Variants in SPATA18 observed in about 807,000 individuals in gnomAD.
SPATA18 encodes the protein spermatogenesis associated 18.
SPATA18 carries 54 observed loss-of-function variants against 68.1 expected under a neutral mutation model. That is an observed-to-expected ratio of 0.79 (90% confidence interval 0.64 to 0.99). The LOEUF (loss-of-function observed/expected upper bound fraction) is 0.99, where lower values mean the gene tolerates loss of function less well. SPATA18 is among the 50% of genes least tolerant of loss of function. The pLI, the probability that SPATA18 is intolerant of heterozygous loss-of-function variation, is 0.00. For missense variants in SPATA18, 724 were observed against 681.1 expected, an observed-to-expected ratio of 1.06 and a Z score of -0.70; for synonymous variants, 242 against 244.8, an observed-to-expected ratio of 0.99 and a Z score of 0.11.
rs889463318 is a variant in SPATA18, at chr4:52,095,795, C to T, written c.*908C>T. On this transcript the variant is annotated 3_prime_UTR_variant, in exon 13 of 13. Transcript: ENST00000295213. ...TGACCAAAACTACTTAAACTCAAGGCCCAAAACTAGGGGCACCATTTACTG... is the reference window on the plus strand; with the variant it reads ...TGACCAAAACTACTTAAACTCAAGGTCCAAAACTAGGGGCACCATTTACTG... The T allele has an allele frequency of 2.0e-5, 3 of 152,136 alleles. No homozygotes were observed. The highest frequency in any genetic ancestry group is 2.0e-4 in the Admixed American group (3 of 15,262). 9.4% of individuals were successfully genotyped at this position (152,136 alleles called of 1,614,324 possible). A position where few individuals can be genotyped will look rare whatever the true frequency, so the allele number is the denominator to read the frequency against.
chr4:52,076,995 C>G lies in SPATA18; in HGVS notation c.975C>G (p.Ile325Met), dbSNP rs973384827. The G allele has an allele frequency of 1.9e-6, 3 of 1,612,444 alleles. No individual in the cohort carries two copies. Among genetic ancestry groups the G allele is most frequent in the South Asian group, 1.1e-5 (1 of 90,718 alleles). Residue 325 changes from isoleucine (I) to methionine (M), a missense_variant, in exon 7 of 13, where the codon ATC (isoleucine) becomes ATG (methionine). Coordinates refer to ENST00000295213, the MANE Select transcript of SPATA18 (RefSeq NM_145263.4). ...CGCAGTGCCTGCTGCGGCGCTGCATCGACAAGGCTGAGACCGTTCAGCGGA... is the reference window on the plus strand; with the variant it reads ...CGCAGTGCCTGCTGCGGCGCTGCATGGACAAGGCTGAGACCGTTCAGCGGA... ...LDAQCLLRRC[I>M]DKAETVQRII...
intron 6 of SPATA18, among the ~76,000 whole-genome samples, chr4:52,075,742 G>A (rs1450790138): frequency 1.3e-5 from 2 of 152,128 alleles, no homozygotes; most frequent in Non-Finnish European, 2.9e-5. Context: ...TCTTTGGGCC[G>A]GCATCAGCGG....
chr4:52,061,704 A>T (rs987926462), intron 3 of SPATA18, among the ~76,000 whole-genome samples: 3 of 152,004 alleles, frequency 2.0e-5, no homozygotes, highest in Admixed American at 2.0e-4. Context: ...TGCTGATCTA[A>T]AAGGTTCATT....
chr4:52,093,379 T>A (rs749671610), intron 11 of SPATA18, among the ~76,000 whole-genome samples: 1 of 152,058 alleles, frequency 6.6e-6, no homozygotes, highest in Non-Finnish European at 1.5e-5. Flanking sequence ...GGAATTTCAA[T>A]GGGCTAGGAA....
At position 52,072,091 on chromosome 4, in the gene SPATA18, A is replaced by G. The variant is rs1739904775; in HGVS notation, c.693A>G (p.Lys231=). 6.2e-7 allele frequency: 1 copy of G among 1,614,072 alleles called. No individual in the cohort carries two copies. The highest frequency in any genetic ancestry group is 8.5e-7 in the Non-Finnish European group (1 of 1,180,022). Reference sequence around the variant, plus strand: ...CAGAAGCCATGTCCGATTATAAGAAACAGCTCCGAAACCTGAAGGAGGAGA... The same window carrying G: ...CAGAAGCCATGTCCGATTATAAGAAGCAGCTCCGAAACCTGAAGGAGGAGA... The part of the protein sequence containing the change: ...QDTEAMSDYK[K]QLRNLKEEIA... The change falls in exon 6 of 13, where the codon AAA becomes AAG. Residue 231 remains lysine, a synonymous_variant. Coordinates refer to ENST00000295213, the MANE Select transcript of SPATA18 (RefSeq NM_145263.4).
At chr4:52,079,669 T>C in intron 8 of SPATA18, 75 bp from the exon 9 acceptor site, 2 of 1,522,292 alleles carry the variant, frequency 1.3e-6, no homozygotes, top group South Asian at 2.5e-5. Context: ...CTCCCATCAA[T>C]CCTAATATTC....
chr4:52,069,666 C>T (rs543410301), intron 4 of SPATA18, among the ~76,000 whole-genome samples, 155 bp from the exon 5 acceptor site: 1 of 152,166 alleles, frequency 6.6e-6, no homozygotes, highest in Non-Finnish European at 1.5e-5. Flanking sequence ...ACAATATTTG[C>T]AATATTACCT....
chr4:52,067,880 T>C (rs946230375), intron 4 of SPATA18, among the ~76,000 whole-genome samples: 4 of 152,196 alleles, frequency 2.6e-5, no homozygotes, highest in Non-Finnish European at 1.5e-5. Flanking sequence ...TCCCCAGTAC[T>C]GAGCATCATG....
At chr4:52,087,382 G>T (rs373923780) in intron 11 of SPATA18, among the ~76,000 whole-genome samples, 3 of 152,032 alleles carry the variant, frequency 2.0e-5, no homozygotes, top group East Asian at 3.9e-4. Context: ...TTTTCTTCTA[G>T]GATTTTTATG....
At chr4:52,072,697 C>A (rs566948190) in intron 6 of SPATA18, among the ~76,000 whole-genome samples, 1 of 152,180 alleles carries the variant, frequency 6.6e-6, no homozygotes, top group Admixed American at 6.5e-5. Flanking sequence ...TGAGCCACCA[C>A]GCCCGGCTAT....
chr4:52,070,559 A>T (rs990724560), intron 5 of SPATA18, among the ~76,000 whole-genome samples: 3 of 151,794 alleles, frequency 2.0e-5, no homozygotes, highest in Admixed American at 1.3e-4. Context: ...GGGGAGGGAT[A>T]GCATTAGGAG....
chr4:52,067,442 T>G (rs1050053403), intron 4 of SPATA18, among the ~76,000 whole-genome samples: 7 of 152,096 alleles, frequency 4.6e-5, no homozygotes, highest in African/African-American at 1.7e-4. Flanking sequence ...ATAACACCCC[T>G]CCTGATCTGG....
At chr4:52,087,704 G>A (rs1741558260) in intron 11 of SPATA18, among the ~76,000 whole-genome samples, 1 of 152,142 alleles carries the variant, frequency 6.6e-6, no homozygotes, top group Non-Finnish European at 1.5e-5. Context: ...CAGGTAGCGT[G>A]ATGCCTCTAG....
intron 1 of SPATA18, among the ~76,000 whole-genome samples, chr4:52,052,150 C>A (rs1441167563): frequency 6.6e-6 from 1 of 152,206 alleles, no homozygotes; most frequent in East Asian, 1.9e-4. Flanking sequence ...TTTCCCATCC[C>A]CCTTGCCAGC....
chr4:52,093,804 A>G (rs1288057449), intron 11 of SPATA18, among the ~76,000 whole-genome samples: 9 of 152,292 alleles, frequency 5.9e-5, no homozygotes, highest in Non-Finnish European at 1.0e-4. Context: ...CATTAATTTA[A>G]ACTTTAGATG....
chr4:52,062,208 G>GTTT lies in SPATA18; in HGVS notation c.310-11_310-10insTTT. 21 of 901,844 alleles carry GTTT rather than the reference G, an allele frequency of 2.3e-5. No homozygotes were observed. Among genetic ancestry groups the GTTT allele is most frequent in the South Asian group, 1.3e-4 (6 of 46,156 alleles). 55.9% of individuals were successfully genotyped at this position (901,844 alleles called of 1,614,324 possible). On this transcript the variant is annotated splice_polypyrimidine_tract_variant and intron_variant, in intron 3 of 12. Coordinates refer to ENST00000295213, the MANE Select transcript of SPATA18 (RefSeq NM_145263.4). ...ACTGTTTTTTTTTTTTTTTTTTGGTGTATCTTTCCAGGACACGTTTGATAG... is the reference window on the plus strand; with the variant it reads ...ACTGTTTTTTTTTTTTTTTTTTGGTGTTTTATCTTTCCAGGACACGTTTGATAG...
chr4:52,075,521 A>G (rs866137893), intron 6 of SPATA18, among the ~76,000 whole-genome samples: 9 of 152,180 alleles, frequency 5.9e-5, no homozygotes, highest in Non-Finnish European at 7.3e-5. Flanking sequence ...TATAAAATGT[A>G]TGGCCAGAAT....
At chr4:52,084,621 A>G (rs868147866) in intron 10 of SPATA18, among the ~76,000 whole-genome samples, 4 of 152,108 alleles carry the variant, frequency 2.6e-5, no homozygotes, top group African/African-American at 2.4e-5. Context: ...GCACTAACAA[A>G]CTCCTATGTA....
Position 52,071,768 on chromosome 4 carries a change from T to G in SPATA18, c.519-149T>G, listed in dbSNP as rs546007506. On this transcript the variant is annotated intron_variant, in intron 5 of 12. Coordinates refer to ENST00000295213, the MANE Select transcript of SPATA18 (RefSeq NM_145263.4). The stretch of plus-strand genomic sequence containing the variant: ...TGCTAATTTGTTCATTCATGTGTAT[T>G]TCCATCAGAGTTTCCCAATGCAATA... 3 of 779,628 alleles carry G rather than the reference T, an allele frequency of 3.8e-6. No individual in the cohort carries two copies. The East Asian group carries it at 8.2e-5, about 21-fold the overall frequency. The allele number at this position is 779,628 out of a possible 1,614,324, so 48.3% of individuals were successfully genotyped here.
Sources: allele counts gnomAD v4.1 joint callset (sites outside exome capture counted in the v4.1 genomes callset), GRCh38; gene constraint gnomAD v4.1.1; transcripts MANE v1.5; gene names NCBI Gene and HGNC (gene_info 2026-07-23, HGNC 2026-07-21).